AHDC1: variants seen among roughly 807,000 people sequenced by gnomAD.
AHDC1 encodes the protein transcription factor Gibbin.
Under a neutral mutation model 87.9 loss-of-function variants are expected in AHDC1, and 7 were observed. The observed-to-expected ratio is 0.08, with a 90% confidence interval of 0.05 to 0.15. AHDC1 has a LOEUF of 0.15. Ranked by LOEUF, AHDC1 falls within the 10% of genes least tolerant of loss-of-function variation. The pLI, the probability that AHDC1 is intolerant of heterozygous loss-of-function variation, is 1.00. For missense variants in AHDC1, 1,841 were observed against 2,253.2 expected, an observed-to-expected ratio of 0.82 and a Z score of 3.70; for synonymous variants, 1,051 against 1,006.8, an observed-to-expected ratio of 1.04 and a Z score of -0.83.
At chr1:27,541,760 G>C (rs1465476448) in intron 8 of AHDC1, among the ~76,000 whole-genome samples, 1 of 151,834 alleles carries the variant, frequency 6.6e-6, no homozygotes, top group Non-Finnish European at 1.5e-5. Flanking sequence ...TTCCCGAGTA[G>C]CTGGCACTAC....
At chr1:27,596,869 T>C (rs969508254) in intron 3 of AHDC1, among the ~76,000 whole-genome samples, 18 of 151,364 alleles carry the variant, frequency 1.2e-4, no homozygotes, top group African/African-American at 4.4e-4. Flanking sequence ...ACCCACACAC[T>C]CCACACACCT....
chr1:27,588,765 A>G (rs1015286975), intron 3 of AHDC1, among the ~76,000 whole-genome samples: 2 of 152,010 alleles, frequency 1.3e-5, no homozygotes. Flanking sequence ...GCAAACATGT[A>G]CGTGTGTGTT....
At chr1:27,539,060 T>G (rs1017236152) in intron 8 of AHDC1, among the ~76,000 whole-genome samples, 1 of 152,072 alleles carries the variant, frequency 6.6e-6, no homozygotes, top group Non-Finnish European at 1.5e-5. Context: ...TTCACTGAAT[T>G]ATCGATGAGG....
chr1:27,593,116 AG>A lies in AHDC1; in HGVS notation c.-629+10280del, dbSNP rs934324414. Among the ~76,000 whole-genome samples the A allele has an allele frequency of 2.6e-4, 40 of 152,060 alleles. No homozygotes were observed. Among genetic ancestry groups the A allele is most frequent in the Admixed American group, 1.0e-3 (16 of 15,294 alleles). On this transcript the variant is annotated intron_variant, in intron 3 of 8. Coordinates refer to ENST00000673934, the MANE Select transcript of AHDC1 (RefSeq NM_001371928.1). The surrounding 1 kb of genome is among the most constrained non-coding windows in gnomAD (Gnocchi z 4.9). ...GGGGACACAGGCCTCGGTGGAACGGAGTAGACACGGTGTCTCCTCAGGGAAG... is the reference window on the plus strand; with the variant it reads ...GGGGACACAGGCCTCGGTGGAACGGATAGACACGGTGTCTCCTCAGGGAAG...
In AHDC1 at chr1:27,548,942, G is replaced by A. The variant is rs763456711; in HGVS notation, c.3174C>T (p.Ser1058=). Residue 1058 remains serine (S), a synonymous_variant, in exon 8 of 9, where the codon AGC becomes AGT. Coordinates refer to ENST00000673934, the MANE Select transcript of AHDC1 (RefSeq NM_001371928.1). ...GSAPTPLRCD[S]RASTVSPGGY... ...CACCGGGCGAGACTGTGCTGGCCCGGCTGTCACAGCGCAGGGGCGTGGGGG... is the reference window on the plus strand; with the variant it reads ...CACCGGGCGAGACTGTGCTGGCCCGACTGTCACAGCGCAGGGGCGTGGGGG... 1 of 1,586,574 alleles carries A rather than the reference G, an allele frequency of 6.3e-7. No individual in the cohort carries two copies. Among genetic ancestry groups the A allele is most frequent in the Non-Finnish European group, 8.6e-7 (1 of 1,165,092 alleles).
rs893000656 is a variant in AHDC1, at chr1:27,560,334, G to A, written c.-628-1451C>T. 5.9e-5 allele frequency among the ~76,000 whole-genome samples: 9 copies of A among 152,154 alleles called. No individual in the cohort carries two copies. Among genetic ancestry groups the A allele is most frequent in the South Asian group, 2.1e-4 (1 of 4,824 alleles). On this transcript the variant is annotated intron_variant, in intron 3 of 8. Coordinates refer to ENST00000673934, the MANE Select transcript of AHDC1 (RefSeq NM_001371928.1). This position sits in a 1 kb window ranked among gnomAD's most constrained non-coding sequence, Gnocchi z 4.1. ...TGTGAGCATGCCTGGGTGTGCACAC[G>A]CTTTGCCTGGCTCTCTGCATCTCGC...
Position 27,593,853 on chromosome 1 carries a change from G to C in AHDC1, c.-629+9544C>G, listed in dbSNP as rs553375815. 3.9e-5 allele frequency among the ~76,000 whole-genome samples: 6 copies of C among 152,362 alleles called. No homozygotes were observed. Among genetic ancestry groups the C allele is most frequent in the Non-Finnish European group, 7.3e-5 (5 of 68,038 alleles). On this transcript the variant is annotated intron_variant, in intron 3 of 8. Coordinates refer to ENST00000673934, the MANE Select transcript of AHDC1 (RefSeq NM_001371928.1). This position sits in a 1 kb window ranked among gnomAD's most constrained non-coding sequence, Gnocchi z 4.9. ...TAATGGAGCCTGCATCCCAGGACTTGCTGGGCTGGGACACAGGCGATGTCT... is the reference window on the plus strand; with the variant it reads ...TAATGGAGCCTGCATCCCAGGACTTCCTGGGCTGGGACACAGGCGATGTCT...
At chr1:27,588,663 AGT>A (rs747573511) in intron 3 of AHDC1, among the ~76,000 whole-genome samples, 3 of 152,024 alleles carry the variant, frequency 2.0e-5, no homozygotes, top group Admixed American at 1.3e-4. Flanking sequence ...GGAGGCTCTC[AGT>A]GTGTGTGTGT....
chr1:27,547,347 G>C lies in AHDC1; in HGVS notation c.4769C>G (p.Ala1590Gly). Residue 1590 changes from alanine to glycine, a missense_variant, in exon 8 of 9, where the codon GCG (alanine) becomes GGG (glycine). Physicochemically the swap from Ala to Gly is moderately conservative, Grantham distance 60. Around this residue, in one of 13 missense-constraint regions of AHDC1, gnomAD observed 505 missense variants for 626.2 expected, o/e 0.81. Transcript: ENST00000673934. The surrounding 1 kb of genome is among the most constrained non-coding windows in gnomAD (Gnocchi z 4.9). ...GAATGTGTCCTCGGGGTGAGGTTCC[G>C]CCATGGGCCCCAGGAAGCCGCTCTT... ...GPKSGFLGPM[A>G]EPHPEDTFTV... is the part of the protein sequence containing the mutation. The C allele has an allele frequency of 1.3e-6, 2 of 1,554,972 alleles. No individual in the cohort carries two copies. Among genetic ancestry groups the C allele is most frequent in the Non-Finnish European group, 1.7e-6 (2 of 1,152,618 alleles).
chr1:27,585,056 C>T (rs2089012100), intron 3 of AHDC1, among the ~76,000 whole-genome samples: 1 of 151,692 alleles, frequency 6.6e-6, no homozygotes, highest in Non-Finnish European at 1.5e-5. Context: ...GCCTGTAATC[C>T]CAGCTACTTG....
At chr1:27,537,401 G>A (rs879275218) in intron 8 of AHDC1, among the ~76,000 whole-genome samples, 4 of 152,198 alleles carry the variant, frequency 2.6e-5, no homozygotes, top group African/African-American at 7.2e-5. Context: ...AGGTCCTGGG[G>A]AGGCAGCTAA....
chr1:27,600,710 T>A (rs1185653590), intron 3 of AHDC1, among the ~76,000 whole-genome samples: 1 of 152,140 alleles, frequency 6.6e-6, no homozygotes, highest in Non-Finnish European at 1.5e-5. Context: ...AGTCTGCCCC[T>A]CAAGCCTCCA....
Position 27,549,251 on chromosome 1 carries a change from G to T in AHDC1, c.2865C>A (p.Ala955=). ...CAGGCGGGTGGGTGGTAGGTGAGCG[G>T]GCCATGGCTGAGGGCGGGGGCACCA... ...PKLVPPPSAM[A]RSPTTHPPAN... The change falls in exon 8 of 9, where the codon GCC becomes GCA. Residue 955 remains alanine (A), a synonymous_variant. Transcript: ENST00000673934. 6.2e-7 allele frequency: 1 copy of T among 1,605,036 alleles called. No homozygotes were observed. The highest frequency in any genetic ancestry group is 8.5e-7 in the Non-Finnish European group (1 of 1,174,422).
Position 27,550,424 on chromosome 1 carries a change from T to C in AHDC1, c.1692A>G (p.Pro564=). Residue 564 remains proline, a synonymous_variant, in exon 8 of 9, where the codon CCA becomes CCG. Coordinates refer to ENST00000673934, the MANE Select transcript of AHDC1 (RefSeq NM_001371928.1). ...TGGCTGCCTCGGCCGCCACCACAGC[T>C]GGCTCCTTGGGCTTGCCGGGACCCA... The part of the protein sequence containing the change: ...LLLGPGKPKE[P]AVVAAEAATV... 1 of 1,609,604 alleles carries C rather than the reference T, an allele frequency of 6.2e-7. No individual in the cohort carries two copies. The highest frequency in any genetic ancestry group is 8.5e-7 in the Non-Finnish European group (1 of 1,177,066).
chr1:27,544,688 A>G (rs1227680513), intron 8 of AHDC1, among the ~76,000 whole-genome samples: 1 of 151,950 alleles, frequency 6.6e-6, no homozygotes. Context: ...GGTGATTTTG[A>G]TCATCCCCTG....
chr1:27,534,655 TCTCTC>T lies in AHDC1; in HGVS notation c.*300_*304del, dbSNP rs981545953. On this transcript the variant is annotated 3_prime_UTR_variant, in exon 9 of 9. Coordinates refer to ENST00000673934, the MANE Select transcript of AHDC1 (RefSeq NM_001371928.1). ...CACACGCTCGCTCTCTCGCTCTCTC[TCTCTC>T]TTTTTTTTTTTTGTCTTTTTCTAAA... The T allele has an allele frequency of 4.0e-5, 6 of 151,452 alleles. No individual in the cohort carries two copies. Among genetic ancestry groups the T allele is most frequent in the African/African-American group, 1.2e-4 (5 of 41,234 alleles). The allele number at this position is 151,452 out of a possible 1,614,324, so 9.4% of individuals were successfully genotyped here.
At chr1:27,577,174 TGG>T (rs1486475628) in intron 3 of AHDC1, among the ~76,000 whole-genome samples, 1 of 152,162 alleles carries the variant, frequency 6.6e-6, no homozygotes, top group Non-Finnish European at 1.5e-5. Context: ...GAGGAAGGGA[TGG>T]GAGGACACAG....
Position 27,551,576 on chromosome 1 carries a change from A to G in AHDC1, c.540T>C (p.Pro180=). Residue 180 remains proline (P), a synonymous_variant, in exon 8 of 9, where the codon CCT becomes CCC. Coordinates refer to ENST00000673934, the MANE Select transcript of AHDC1 (RefSeq NM_001371928.1). ...SPSLANSIRS[P]EERATPHAKS... is the part of the protein sequence containing the mutation. Reference sequence around the variant, plus strand: ...TGGCGTGTGGGGTGGCCCGCTCCTCAGGGCTACGGATGCTGTTGGCCAAAC... The same window carrying G: ...TGGCGTGTGGGGTGGCCCGCTCCTCGGGGCTACGGATGCTGTTGGCCAAAC... 1 of 1,610,002 alleles carries G rather than the reference A, an allele frequency of 6.2e-7. No homozygotes were observed. Among genetic ancestry groups the G allele is most frequent in the Non-Finnish European group, 8.5e-7 (1 of 1,177,130 alleles).
chr1:27,548,446 G>T lies in AHDC1; in HGVS notation c.3670C>A (p.Leu1224Ile), dbSNP rs2019315521. Residue 1224 changes from leucine to isoleucine, a missense_variant, in exon 8 of 9, where the codon CTC becomes ATC. Physicochemically the swap from Leu to Ile is conservative, Grantham distance 5. Around this residue, in one of 13 missense-constraint regions of AHDC1, gnomAD observed 505 missense variants for 626.2 expected, o/e 0.81. Transcript: ENST00000673934. ...CCCGGCTTGGAGCTACTCTGAAAGAGGACACTCTGGTTCCAGTTGTAGCCG... is the reference window on the plus strand; with the variant it reads ...CCCGGCTTGGAGCTACTCTGAAAGATGACACTCTGGTTCCAGTTGTAGCCG... ...APGYNWNQSV[L>I]FQSSSKPGRG... 1 of 1,613,734 alleles carries T rather than the reference G, an allele frequency of 6.2e-7. No homozygotes were observed.
Sources: allele counts gnomAD v4.1 joint callset (sites outside exome capture counted in the v4.1 genomes callset), GRCh38; gene constraint gnomAD v4.1.1; regional missense constraint gnomAD v4.1.1; non-coding constraint Gnocchi (gnomAD v3.1); transcripts MANE v1.5; gene names NCBI Gene and HGNC (gene_info 2026-07-23, HGNC 2026-07-21).